Variants in KIAA0586 observed in about 807,000 individuals in gnomAD.
KIAA0586 encodes the protein protein TALPID3.
A neutral mutation model predicts 169.8 loss-of-function variants in KIAA0586; 144 were observed. The ratio of observed to expected loss-of-function variants is 0.85; its 90% confidence interval spans 0.74 to 0.97. The LOEUF is 0.97. Ranked by LOEUF, KIAA0586 falls within the 50% of genes least tolerant of loss-of-function variation. The pLI is 0.00. For synonymous variants in KIAA0586, 625 were observed against 612.4 expected, an observed-to-expected ratio of 1.02 and a Z score of -0.30; for missense variants, 1,854 against 1,823.0, an observed-to-expected ratio of 1.02 and a Z score of -0.31.
At chr14:58,506,397 G>T (rs1352744298) in intron 27 of KIAA0586, among the ~76,000 whole-genome samples, 1 of 151,928 alleles carries the variant, frequency 6.6e-6, no homozygotes, top group Admixed American at 6.6e-5. Context: ...AACTCAATGC[G>T]GCTGGACATG....
chr14:58,487,782 G>A, intron 22 of KIAA0586, 105 bp from the exon 23 acceptor site: 1 of 648,114 alleles, frequency 1.5e-6, no homozygotes, highest in Non-Finnish European at 2.7e-6. Flanking sequence ...GCCATTATTT[G>A]TGTGCTAAAA....
intron 4 of KIAA0586, among the ~76,000 whole-genome samples, chr14:58,435,064 C>A (rs1443875859): frequency 6.6e-6 from 1 of 152,210 alleles, no homozygotes; most frequent in Admixed American, 6.5e-5. Flanking sequence ...GCTTGAATTA[C>A]AGGCATGAGC....
intron 29 of KIAA0586, among the ~76,000 whole-genome samples, chr14:58,515,138 CAT>C (rs886578682): frequency 2.0e-5 from 3 of 151,316 alleles, no homozygotes; most frequent in Non-Finnish European, 4.4e-5. Flanking sequence ...AAAAATAAGT[CAT>C]ATGTTTTATG....
chr14:58,427,873 A>G lies in KIAA0586; in HGVS notation c.-392A>G, dbSNP rs1167057481. 8 of 1,375,588 alleles carry G rather than the reference A, an allele frequency of 5.8e-6. No homozygotes were observed. Among genetic ancestry groups the G allele is most frequent in the Non-Finnish European group, 5.7e-6 (6 of 1,049,376 alleles). The allele number at this position is 1,375,588 out of a possible 1,614,324, so 85.2% of individuals were successfully genotyped here. A position where few individuals can be genotyped will look rare whatever the true frequency, so the allele number is the denominator to read the frequency against. ...CGCTTCTTATGTGGGTCATTATTTT[A>G]AAAATAGCATTTCGCTTTTATTTGC... On this transcript the variant is annotated 5_prime_UTR_variant, in exon 1 of 31. Coordinates refer to ENST00000652326, the MANE Select transcript of KIAA0586 (RefSeq NM_001329943.3).
intron 8 of KIAA0586, among the ~76,000 whole-genome samples, chr14:58,452,438 T>C (rs1467275340): frequency 6.6e-6 from 1 of 152,316 alleles, no homozygotes; most frequent in East Asian, 1.9e-4. Flanking sequence ...TTTAAGAAAG[T>C]CACAAGATAA....
At chr14:58,553,535 G>GGT (rs1311389348), downstream of KIAA0586, among the ~76,000 whole-genome samples, 1 of 127,152 alleles carries the variant, frequency 7.9e-6, no homozygotes, top group Non-Finnish European at 1.7e-5. Context: ...AAAATATCTG[G>GGT]GTTTTTTTTT....
intron 10 of KIAA0586, 65 bp downstream of exon 10, chr14:58,456,875 GT>G (rs2039905036): frequency 1.6e-5 from 14 of 873,800 alleles, no homozygotes; most frequent in South Asian, 1.5e-4. Flanking sequence ...GAATAAAAGA[GT>G]TATAAAGATA....
chr14:58,544,344 C>G (rs2046851503), intron 30 of KIAA0586, among the ~76,000 whole-genome samples: 1 of 152,122 alleles, frequency 6.6e-6, no homozygotes, highest in Non-Finnish European at 1.5e-5. Flanking sequence ...ATATATGTGT[C>G]TTTATGGTAG....
At chr14:58,450,983 CTTT>C (rs10712126) in intron 8 of KIAA0586, among the ~76,000 whole-genome samples, 5 of 85,360 alleles carry the variant, frequency 5.9e-5, no homozygotes, top group African/African-American at 9.0e-5. Context: ...GTTTTGTTAA[CTTT>C]TTTTTTTTTT....
At chr14:58,514,931 T>C (rs2044644047) in intron 29 of KIAA0586, among the ~76,000 whole-genome samples, 1 of 152,092 alleles carries the variant, frequency 6.6e-6, no homozygotes, top group African/African-American at 2.4e-5. Context: ...CTTTCATCAA[T>C]ACAAATAAGA....
intron 18 of KIAA0586, among the ~76,000 whole-genome samples, chr14:58,473,565 G>C (rs1317785924): frequency 6.6e-6 from 1 of 152,170 alleles, no homozygotes; most frequent in Non-Finnish European, 1.5e-5. Flanking sequence ...AAGTGTATTA[G>C]TGTATTTTGC....
chr14:58,450,763 C>T lies in KIAA0586; in HGVS notation c.1129+17C>T. On this transcript the variant is annotated intron_variant, in intron 8 of 30. Transcript: ENST00000652326. ...GTCACAGAGGTAATAGAGACTTTTA[C>T]TAGACCTATCCCAAATTAGGAAATT... The T allele has an allele frequency of 6.6e-7, 1 of 1,508,718 alleles. No homozygotes were observed. Among genetic ancestry groups the T allele is most frequent in the Non-Finnish European group, 9.2e-7 (1 of 1,092,880 alleles). 93.5% of individuals were successfully genotyped at this position (1,508,718 alleles called of 1,614,324 possible).
intron 4 of KIAA0586, among the ~76,000 whole-genome samples, chr14:58,440,485 T>C (rs1232123553): frequency 1.3e-5 from 2 of 152,102 alleles, no homozygotes; most frequent in African/African-American, 4.8e-5. Flanking sequence ...GCTCCCGCCA[T>C]CACGCCTGGC....
chr14:58,484,585 C>T (rs1238708802), intron 21 of KIAA0586, among the ~76,000 whole-genome samples: 2 of 151,470 alleles, frequency 1.3e-5, no homozygotes, highest in African/African-American at 4.9e-5. Context: ...TAGAAGAATA[C>T]CTTCAGATCC....
At chr14:58,512,453 ATT>A in intron 28 of KIAA0586, 67 bp from the exon 29 acceptor site, 1 of 826,446 alleles carries the variant, frequency 1.2e-6, no homozygotes. Flanking sequence ...CACTTGAATA[ATT>A]TGACTTCTCA....
intron 26 of KIAA0586, among the ~76,000 whole-genome samples, chr14:58,496,035 A>G (rs1279596741): frequency 1.3e-5 from 2 of 152,174 alleles, no homozygotes; most frequent in African/African-American, 4.8e-5. Flanking sequence ...CTAAAGGGCT[A>G]TGTAATAAGA....
intron 29 of KIAA0586, among the ~76,000 whole-genome samples, chr14:58,518,598 C>T (rs1189161982): frequency 6.6e-6 from 1 of 152,188 alleles, no homozygotes; most frequent in Non-Finnish European, 1.5e-5. Flanking sequence ...ACTCAGTAAA[C>T]ATTAATTGAG....
At chr14:58,492,516 G>T (rs1272421094) in intron 26 of KIAA0586, among the ~76,000 whole-genome samples, 1 of 152,126 alleles carries the variant, frequency 6.6e-6, no homozygotes, top group Non-Finnish European at 1.5e-5. Context: ...GATTCATTAT[G>T]CAATTATTTA....
At chr14:58,468,675 C>A (rs1595236097) in intron 16 of KIAA0586, among the ~76,000 whole-genome samples, 1 of 152,172 alleles carries the variant, frequency 6.6e-6, no homozygotes, top group East Asian at 1.9e-4. Flanking sequence ...CTGAGGTCTT[C>A]ACTAGGTCTG....
Sources: allele counts gnomAD v4.1 joint callset (sites outside exome capture counted in the v4.1 genomes callset), GRCh38; gene constraint gnomAD v4.1.1; transcripts MANE v1.5; gene names NCBI Gene and HGNC (gene_info 2026-07-23, HGNC 2026-07-21).